The following SPATA13 variants were observed in gnomAD, a reference collection of about 807,000 sequenced individuals.
The protein encoded by SPATA13 is spermatogenesis associated 13, also known as spermatogenesis-associated protein 13.
Under a neutral mutation model 104.0 loss-of-function variants are expected in SPATA13, and 50 were observed. The ratio of observed to expected loss-of-function variants is 0.48; its 90% CI spans 0.38 to 0.61. The LOEUF (loss-of-function observed/expected upper bound fraction) is 0.61, where lower values mean the gene tolerates loss of function less well. Among genes scored for constraint, SPATA13 ranks in the 20% least tolerant of loss-of-function variants. The pLI is 0.00. For synonymous variants in SPATA13, 606 were observed against 667.5 expected (o/e 0.91, Z 1.42); for missense variants, 1,524 against 1,690.6 (o/e 0.90, Z 1.73).
intron 2 of SPATA13, among the ~76,000 whole-genome samples, chr13:24,227,357 C>G (rs1872002185): frequency 6.6e-6 from 1 of 151,998 alleles, no homozygotes; most frequent in Non-Finnish European, 1.5e-5. Context: ...AGTTATTTGC[C>G]AGGGTGATTT....
At chr13:24,181,563 A>G (rs1486908341) in intron 1 of SPATA13, among the ~76,000 whole-genome samples, 1 of 152,032 alleles carries the variant, frequency 6.6e-6, no homozygotes, top group East Asian at 1.9e-4. Context: ...AAAAATGAAG[A>G]CAGAAACGTA....
rs368258045 is a variant in SPATA13, at chr13:24,297,934, G to A, written c.3583+199G>A. Among the ~76,000 whole-genome samples the A allele has an allele frequency of 1.2e-4, 19 of 152,156 alleles. 1 individual carries two copies. The highest frequency in any genetic ancestry group is 9.6e-4 in the East Asian group (5 of 5,200). ...GACCATGTCAGATGTAGTTACTACCGGCAACATTTATTCAGTATTTACCTT... is the reference window on the plus strand; with the variant it reads ...GACCATGTCAGATGTAGTTACTACCAGCAACATTTATTCAGTATTTACCTT... On this transcript the variant is annotated intron_variant, in intron 11 of 12. Transcript: ENST00000382108.
chr13:24,206,938 T>C (rs530717223), intron 1 of SPATA13, among the ~76,000 whole-genome samples: 1 of 151,696 alleles, frequency 6.6e-6, no homozygotes, highest in Admixed American at 6.6e-5. Flanking sequence ...TTTGCAGCAC[T>C]ATTCACAATA....
chr13:24,244,877 T>C (rs1169999535), intron 2 of SPATA13, among the ~76,000 whole-genome samples: 1 of 152,108 alleles, frequency 6.6e-6, no homozygotes, highest in Non-Finnish European at 1.5e-5. Flanking sequence ...AAATAAAATA[T>C]ATGCAGAGAA....
intron 2 of SPATA13, among the ~76,000 whole-genome samples, chr13:24,232,412 C>G (rs764436180): frequency 2.0e-5 from 3 of 152,254 alleles, no homozygotes; most frequent in Non-Finnish European, 4.4e-5. Flanking sequence ...TCTGGAAACA[C>G]CCTCACAAAC....
Position 24,190,101 on chromosome 13 carries a change from A to T in SPATA13, c.-112+29169A>T, listed in dbSNP as rs1487634885. Among the ~76,000 whole-genome samples the T allele has an allele frequency of 3.6e-3, 272 of 76,110 alleles. 82 individuals carry two copies. Among genetic ancestry groups the T allele is most frequent in the African/African-American group, 0.016 (262 of 16,246 alleles). 49.9% of individuals were successfully genotyped at this position (76,110 alleles called of 152,430 possible). A position where few individuals can be genotyped will look rare whatever the true frequency, so the allele number is the denominator to read the frequency against. ...TATTATATAACATATAATGATATAC[A>T]ATATATATTATTATATAACATAATA... On this transcript the variant is annotated intron_variant, in intron 1 of 12. Coordinates refer to ENST00000382108, the MANE Select transcript of SPATA13 (RefSeq NM_001166271.3).
chr13:24,120,907 C>G (rs1050062438), intron 3 of SPATA13, among the ~76,000 whole-genome samples: 1 of 152,112 alleles, frequency 6.6e-6, no homozygotes, highest in Non-Finnish European at 1.5e-5. Context: ...TGCGCTGTCA[C>G]GAAAGAGTGG....
chr13:24,216,515 A>G (rs1161763414), intron 1 of SPATA13, among the ~76,000 whole-genome samples: 1 of 152,186 alleles, frequency 6.6e-6, no homozygotes, highest in Non-Finnish European at 1.5e-5. Flanking sequence ...ATTCACAAAC[A>G]TTGAACTTCA....
chr13:24,156,347 C>A (rs775368139), upstream of SPATA13, among the ~76,000 whole-genome samples: 1 of 152,178 alleles, frequency 6.6e-6, no homozygotes, highest in Non-Finnish European at 1.5e-5. Flanking sequence ...CGTATTCCCC[C>A]CTCCAAACCC....
chr13:24,013,418 C>A (rs559523279), intron 2 of SPATA13, among the ~76,000 whole-genome samples: 2 of 152,296 alleles, frequency 1.3e-5, no homozygotes, highest in East Asian at 1.9e-4. Context: ...GGCCCATGGG[C>A]AGCCCCCTCA....
At chr13:24,189,485 A>C (rs34769600) in intron 1 of SPATA13, among the ~76,000 whole-genome samples, 49,553 of 109,606 alleles carry the variant, frequency 0.45, 9,597 homozygotes, top group Admixed American at 0.57. Context: ...CTCTCTCTCT[A>C]TATATATACG....
chr13:24,182,982 T>C (rs1327762284), intron 1 of SPATA13, among the ~76,000 whole-genome samples: 1 of 152,132 alleles, frequency 6.6e-6, no homozygotes, highest in Non-Finnish European at 1.5e-5. Context: ...ACCATTGTTT[T>C]TATCAGTACA....
At chr13:24,264,687 T>C (rs1478840838) in intron 4 of SPATA13, among the ~76,000 whole-genome samples, 2 of 152,226 alleles carry the variant, frequency 1.3e-5, no homozygotes, top group Non-Finnish European at 1.5e-5. Context: ...GTTCTTGTTA[T>C]GTTTGAAATG....
intron 2 of SPATA13, among the ~76,000 whole-genome samples, chr13:24,230,718 G>T (rs1253973572): frequency 6.6e-6 from 1 of 152,166 alleles, no homozygotes; most frequent in African/African-American, 2.4e-5. Context: ...TGCATCTATT[G>T]TGCTCAGGGA....
chr13:24,193,848 C>T (rs2138556553), intron 1 of SPATA13, among the ~76,000 whole-genome samples: 2 of 152,222 alleles, frequency 1.3e-5, no homozygotes, highest in Middle Eastern at 6.8e-3. Flanking sequence ...ATGAAGTGGT[C>T]ACAATGAGGA....
chr13:24,065,975 C>T (rs1203426413), intron 3 of SPATA13, among the ~76,000 whole-genome samples: 1 of 152,136 alleles, frequency 6.6e-6, no homozygotes, highest in African/African-American at 2.4e-5. Context: ...ATTGGTCTGG[C>T]CTTTCTAGGG....
chr13:24,171,319 T>C (rs1456489358), intron 1 of SPATA13, among the ~76,000 whole-genome samples: 1 of 152,128 alleles, frequency 6.6e-6, no homozygotes, highest in African/African-American at 2.4e-5. Flanking sequence ...GTCGTGACCC[T>C]TGTCTCAGAA....
chr13:24,282,639 T>C (rs894656785), intron 4 of SPATA13, among the ~76,000 whole-genome samples: 1 of 152,168 alleles, frequency 6.6e-6, no homozygotes, highest in Non-Finnish European at 1.5e-5. Context: ...CTGGCTTCCC[T>C]GGCCCCAGGC....
chr13:24,027,140 T>TTG (rs1322596857), intron 3 of SPATA13, among the ~76,000 whole-genome samples: 1 of 144,942 alleles, frequency 6.9e-6, no homozygotes, highest in Non-Finnish European at 1.5e-5. Context: ...AGCCGTTTTT[T>TTG]TTTTTTTTTT....
Sources: allele counts gnomAD v4.1 joint callset (sites outside exome capture counted in the v4.1 genomes callset), GRCh38; gene constraint gnomAD v4.1.1; transcripts MANE v1.5; gene names NCBI Gene and HGNC (gene_info 2026-07-23, HGNC 2026-07-21).